The following ASIC2 variants were observed in gnomAD, a reference collection of about 807,000 sequenced individuals.
ASIC2 encodes acid-sensing ion channel 2.
Under a neutral mutation model 57.3 loss-of-function variants are expected in ASIC2, and 25 were observed. That is an observed-to-expected ratio of 0.44 (90% CI 0.32 to 0.61). The LOEUF (loss-of-function observed/expected upper bound fraction) is 0.61. ASIC2 is among the 20% of genes least tolerant of loss of function. The pLI is 0.06. For synonymous variants in ASIC2, 319 were observed against 307.5 expected (o/e 1.04, Z -0.39); for missense variants, 641 against 738.1 (o/e 0.87, Z 1.52).
chr17:33,874,887 AC>A (rs1168744192), intron 1 of ASIC2, among the ~76,000 whole-genome samples: 1 of 152,218 alleles, frequency 6.6e-6, no homozygotes, highest in Non-Finnish European at 1.5e-5. Flanking sequence ...ACCGGGGACC[AC>A]ACCTATGACC....
intron 1 of ASIC2, among the ~76,000 whole-genome samples, chr17:33,400,719 C>T (rs953721379): frequency 1.1e-4 from 16 of 152,178 alleles, no homozygotes; most frequent in African/African-American, 3.4e-4. Flanking sequence ...ATGCAAACCA[C>T]TGTCCAGGGG....
At chr17:33,584,466 G>A (rs1299852528) in intron 1 of ASIC2, among the ~76,000 whole-genome samples, 1 of 152,088 alleles carries the variant, frequency 6.6e-6, no homozygotes, top group Non-Finnish European at 1.5e-5. Flanking sequence ...TAAGTTCTGG[G>A]CAAATTGGGA....
At chr17:33,037,852 C>G (rs546475691) in intron 3 of ASIC2, among the ~76,000 whole-genome samples, 66 of 152,278 alleles carry the variant, frequency 4.3e-4, no homozygotes, top group South Asian at 1.9e-3. Flanking sequence ...AATAAAATCA[C>G]TGTCTTGGGA....
intron 1 of ASIC2, among the ~76,000 whole-genome samples, chr17:33,330,164 T>C (rs1907253581): frequency 6.6e-6 from 1 of 152,212 alleles, no homozygotes; most frequent in Admixed American, 6.5e-5. Flanking sequence ...CTCCTGCTGC[T>C]GAAGTCAGTG....
At chr17:33,957,748 C>G (rs1022448189) in intron 1 of ASIC2, among the ~76,000 whole-genome samples, 2 of 152,172 alleles carry the variant, frequency 1.3e-5, no homozygotes, top group African/African-American at 4.8e-5. Context: ...CTCCTGGCCC[C>G]TCCCAAATCT....
rs1415472331 is a variant in ASIC2 at position 34,101,542 on chromosome 17, G to A, written c.555+54436C>T. ...TATGCCAGCCTAAGAATGTACAGAG[G>A]ATAATTTAATGATTTAATAATATAT... On this transcript the variant is annotated intron_variant, in intron 1 of 9. Coordinates refer to the ASIC2 transcript ENST00000359872. Among the ~76,000 whole-genome samples the A allele has an allele frequency of 2.6e-5, 4 of 152,210 alleles. No homozygotes were observed. In the South Asian group the frequency reaches 8.3e-4, roughly 32 times the overall value.
intron 3 of ASIC2, among the ~76,000 whole-genome samples, chr17:33,057,127 G>A (rs2092001285): frequency 6.6e-6 from 1 of 152,168 alleles, no homozygotes; most frequent in Non-Finnish European, 1.5e-5. Flanking sequence ...AATGGCAAGA[G>A]GATCTGCATT....
Position 33,136,676 on chromosome 17 carries a change from G to A in ASIC2, c.709-24609C>T, listed in dbSNP as rs569788051. 2.6e-5 allele frequency among the ~76,000 whole-genome samples: 4 copies of A among 152,332 alleles called. No individual in the cohort carries two copies. The South Asian group carries it at 8.3e-4, about 32-fold the overall frequency. On this transcript the variant is annotated intron_variant, in intron 1 of 9. Coordinates refer to ENST00000225823, the MANE Select transcript of ASIC2 (RefSeq NM_183377.2). ...CTGAAGAAGGGGCAAAATACTTAAA[G>A]AGTATGCATAACCCATGGCTTCTCC...
At chr17:33,864,569 C>T (rs559282375) in intron 1 of ASIC2, among the ~76,000 whole-genome samples, 23 of 152,250 alleles carry the variant, frequency 1.5e-4, no homozygotes, top group African/African-American at 5.1e-4. Flanking sequence ...AAATAGCTAA[C>T]CAAAGAGTTC....
intron 1 of ASIC2, among the ~76,000 whole-genome samples, chr17:33,185,716 A>T (rs766446103): frequency 6.6e-6 from 1 of 152,184 alleles, no homozygotes; most frequent in Non-Finnish European, 1.5e-5. Flanking sequence ...TGGAGTACTG[A>T]TCACTGTGTA....
intron 1 of ASIC2, among the ~76,000 whole-genome samples, chr17:33,912,125 G>A (rs569509408): frequency 1.8e-4 from 20 of 109,144 alleles, no homozygotes; most frequent in Admixed American, 1.8e-3. Context: ...GGGTAACAGA[G>A]TGAGACTCCG....
chr17:33,684,943 T>G (rs1908133967), intron 1 of ASIC2, among the ~76,000 whole-genome samples: 1 of 152,182 alleles, frequency 6.6e-6, no homozygotes, highest in African/African-American at 2.4e-5. Flanking sequence ...TGCGGAAGTC[T>G]AGGCATGAGA....
intron 3 of ASIC2, among the ~76,000 whole-genome samples, chr17:33,055,289 C>T (rs1423878457): frequency 1.3e-5 from 2 of 152,174 alleles, no homozygotes; most frequent in African/African-American, 4.8e-5. Context: ...TGCTGGCCAC[C>T]CAACTCACTC....
At chr17:33,940,799 G>A (rs1057053766) in intron 1 of ASIC2, among the ~76,000 whole-genome samples, 1 of 152,244 alleles carries the variant, frequency 6.6e-6, no homozygotes, top group African/African-American at 2.4e-5. Context: ...GTCTTGGGGT[G>A]TCAAGAGAAG....
intron 3 of ASIC2, among the ~76,000 whole-genome samples, chr17:33,030,019 A>G (rs2091875835): frequency 6.6e-6 from 1 of 152,202 alleles, no homozygotes; most frequent in South Asian, 2.1e-4. Context: ...TCTGGATTCA[A>G]GTCCTTTGTC....
chr17:33,944,828 A>C (rs1185964879), intron 1 of ASIC2, among the ~76,000 whole-genome samples: 2 of 152,252 alleles, frequency 1.3e-5, no homozygotes, highest in Middle Eastern at 3.4e-3. Flanking sequence ...CCTCCAGAAG[A>C]GTGTGATGGA....
In ASIC2 at chr17:33,495,887, G is replaced by C. The variant is rs146982336; in HGVS notation, c.556-383820C>G. On this transcript the variant is annotated intron_variant, in intron 1 of 9. Transcript: ENST00000359872. ...TGAGCAGAGTTCTCAGGATGGATTTGCTTGGCTGAAGGCAGATGGGAACAT... is the reference window on the plus strand; with the variant it reads ...TGAGCAGAGTTCTCAGGATGGATTTCCTTGGCTGAAGGCAGATGGGAACAT... 7.1e-3 allele frequency among the ~76,000 whole-genome samples: 1,083 copies of C among 152,302 alleles called. 9 individuals are homozygous for C. The highest frequency in any genetic ancestry group is 0.025 in the African/African-American group (1,025 of 41,570).
intron 1 of ASIC2, among the ~76,000 whole-genome samples, chr17:33,430,613 T>C (rs569335535): frequency 6.6e-6 from 1 of 152,280 alleles, no homozygotes; most frequent in South Asian, 2.1e-4. Context: ...GGAAAGCCCA[T>C]GGTCCATCTA....
chr17:33,944,309 G>C (rs563632425), intron 1 of ASIC2, among the ~76,000 whole-genome samples: 9 of 152,346 alleles, frequency 5.9e-5, no homozygotes, highest in African/African-American at 1.9e-4. Context: ...ACTCCTATGA[G>C]ACTACCCAGC....
Sources: allele counts gnomAD v4.1 joint callset (sites outside exome capture counted in the v4.1 genomes callset), GRCh38; gene constraint gnomAD v4.1.1; transcripts MANE v1.5; gene names NCBI Gene and HGNC (gene_info 2026-07-23, HGNC 2026-07-21).